Variants in LINC00305 observed in about 807,000 individuals in gnomAD.
The protein encoded by LINC00305 is long intergenic non-protein coding RNA 305.
chr18:64,138,097 A>G (rs929800998), intron 1 of LINC00305, among the ~76,000 whole-genome samples: 1 of 152,220 alleles, frequency 6.6e-6, no homozygotes, highest in South Asian at 2.1e-4. Flanking sequence ...TCAGCAGATC[A>G]AGTAGATAAC....
At chr18:64,142,696 A>G (rs1225687437) in intron 1 of LINC00305, among the ~76,000 whole-genome samples, 1 of 152,030 alleles carries the variant, frequency 6.6e-6, no homozygotes, top group Non-Finnish European at 1.5e-5. Context: ...CCACTCTTGT[A>G]TATACACCAT....
chr18:64,129,272 C>T (rs1209260073), intron 1 of LINC00305, among the ~76,000 whole-genome samples: 2 of 152,050 alleles, frequency 1.3e-5, no homozygotes, highest in African/African-American at 2.4e-5. Flanking sequence ...ATTATGCAAG[C>T]TATTTGATGT....
At chr18:64,108,686 AG>A (rs2051302118) in intron 1 of LINC00305, among the ~76,000 whole-genome samples, 1 of 152,252 alleles carries the variant, frequency 6.6e-6, no homozygotes, top group African/African-American at 2.4e-5. Flanking sequence ...GTGGAGGTCA[AG>A]AAAGTCACAT....
At chr18:64,138,243 T>A (rs2051444339) in intron 1 of LINC00305, among the ~76,000 whole-genome samples, 1 of 152,182 alleles carries the variant, frequency 6.6e-6, no homozygotes, top group African/African-American at 2.4e-5. Context: ...GGCTGCTCTC[T>A]CATTACCTCT....
intron 1 of LINC00305, among the ~76,000 whole-genome samples, chr18:64,108,577 A>C (rs1335327457): frequency 1.3e-5 from 2 of 152,216 alleles, no homozygotes; most frequent in Non-Finnish European, 2.9e-5. Flanking sequence ...AATAAATTAG[A>C]ACCAGATGAA....
intron 1 of LINC00305, among the ~76,000 whole-genome samples, chr18:64,105,891 A>G (rs1027677463): frequency 1.3e-5 from 2 of 152,248 alleles, no homozygotes; most frequent in Non-Finnish European, 2.9e-5. Flanking sequence ...AAGGAGAAAT[A>G]GCAGTTATGA....
At chr18:64,083,832 A>G (rs1169834797) in intron 3 of LINC00305, among the ~76,000 whole-genome samples, 2 of 152,216 alleles carry the variant, frequency 1.3e-5, no homozygotes, top group African/African-American at 2.4e-5. Context: ...GCTTGATGGT[A>G]ACCTTGATTT....
intron 3 of LINC00305, among the ~76,000 whole-genome samples, chr18:64,084,432 A>C (rs529632666): frequency 1.6e-3 from 237 of 152,318 alleles, no homozygotes; most frequent in African/African-American, 5.5e-3. Flanking sequence ...ACAATACCGC[A>C]AATGTTACCC....
chr18:64,141,933 C>T (rs910353085), intron 1 of LINC00305, among the ~76,000 whole-genome samples: 7 of 152,164 alleles, frequency 4.6e-5, no homozygotes, highest in African/African-American at 1.4e-4. Context: ...ATTAATCTTA[C>T]GATCTTGAAA....
chr18:64,113,991 T>C (rs1192235768), intron 1 of LINC00305, among the ~76,000 whole-genome samples: 1 of 152,196 alleles, frequency 6.6e-6, no homozygotes, highest in Non-Finnish European at 1.5e-5. Flanking sequence ...AGAAAATGGC[T>C]GGGCGCGTTG....
chr18:64,105,340 A>G (rs1284112137), intron 1 of LINC00305, among the ~76,000 whole-genome samples: 1 of 152,130 alleles, frequency 6.6e-6, no homozygotes, highest in African/African-American at 2.4e-5. Context: ...ACACACCTGT[A>G]GTCCCAGCTA....
chr18:64,104,051 A>T (rs566404987), intron 1 of LINC00305: 5 of 152,358 alleles, frequency 3.3e-5, no homozygotes, highest in Admixed American at 3.3e-4. Context: ...AGAAAGAAAG[A>T]TTCTATCCTC....
chr18:64,145,872 G>C (rs895195452), intron 1 of LINC00305, among the ~76,000 whole-genome samples: 1 of 152,130 alleles, frequency 6.6e-6, no homozygotes. Context: ...TAGGTTAGCA[G>C]TACCTATTGA....
chr18:64,118,513 A>G (rs1401095355), intron 1 of LINC00305, among the ~76,000 whole-genome samples: 2 of 152,146 alleles, frequency 1.3e-5, no homozygotes, highest in African/African-American at 4.8e-5. Flanking sequence ...ATGAGTGCTG[A>G]TAAAATCAAC....
chr18:64,133,937 T>C (rs929535160), intron 1 of LINC00305, among the ~76,000 whole-genome samples: 5 of 152,208 alleles, frequency 3.3e-5, no homozygotes, highest in African/African-American at 1.2e-4. Context: ...ACCAGCTTCA[T>C]ATAAAATAGT....
intron 1 of LINC00305, among the ~76,000 whole-genome samples, chr18:64,109,900 C>T (rs771666026): frequency 9.2e-5 from 14 of 152,170 alleles, no homozygotes; most frequent in East Asian, 1.9e-4. Flanking sequence ...GTGGGCCGCA[C>T]GTGGCCCAGG....
intron 1 of LINC00305, among the ~76,000 whole-genome samples, chr18:64,114,027 T>C (rs919045644): frequency 2.0e-5 from 3 of 152,176 alleles, no homozygotes; most frequent in Non-Finnish European, 4.4e-5. Context: ...CCCAGCACTT[T>C]GGGAGACCGA....
intron 1 of LINC00305, among the ~76,000 whole-genome samples, chr18:64,108,641 A>G (rs2051301866): frequency 6.6e-6 from 1 of 152,200 alleles, no homozygotes; most frequent in Non-Finnish European, 1.5e-5. Flanking sequence ...ATTGAGAAAC[A>G]ACCCTTATCT....
intron 1 of LINC00305, among the ~76,000 whole-genome samples, chr18:64,132,813 G>C (rs1470315703): frequency 1.3e-5 from 2 of 152,164 alleles, no homozygotes; most frequent in Non-Finnish European, 2.9e-5. Context: ...AATGGCTGAG[G>C]TGTCATGCCC....
Sources: gnomAD v4.1 joint callset for allele counts (sites outside exome capture counted in the v4.1 genomes callset) on GRCh38, gnomAD v4.1.1 for gene constraint, MANE v1.5 for transcripts, NCBI Gene and HGNC (gene_info 2026-07-23, HGNC 2026-07-21) for gene names.